Variants in EXT2 observed in about 807,000 individuals in gnomAD.
EXT2 encodes the protein exostosin-2.
A neutral mutation model predicts 81.6 loss-of-function variants in EXT2; 53 were observed. That is an observed-to-expected ratio of 0.65 (90% confidence interval 0.52 to 0.82). EXT2 has a LOEUF of 0.82. EXT2 is among the 40% of genes least tolerant of loss of function. The probability of loss-of-function intolerance (pLI) is 0.00; values close to 1 mark genes in which losing one functional copy is unlikely to be tolerated. For synonymous variants in EXT2, 320 were observed against 340.0 expected (o/e 0.94, Z 0.65); for missense variants, 774 against 910.2 (o/e 0.85, Z 1.93).
At chr11:44,191,040 G>A (rs1590634406) in intron 8 of EXT2, among the ~76,000 whole-genome samples, 6 of 152,282 alleles carry the variant, frequency 3.9e-5, no homozygotes, top group Admixed American at 3.9e-4. Context: ...TTCCTTCAAG[G>A]CATCCTGAAA....
chr11:44,125,242 C>T (rs1954383495), intron 5 of EXT2, among the ~76,000 whole-genome samples: 1 of 152,148 alleles, frequency 6.6e-6, no homozygotes, highest in Non-Finnish European at 1.5e-5. Flanking sequence ...AAAGACAAGT[C>T]TCATAGATTC....
chr11:44,158,011 A>G (rs1194027432), intron 7 of EXT2, among the ~76,000 whole-genome samples: 1 of 152,212 alleles, frequency 6.6e-6, no homozygotes, highest in Non-Finnish European at 1.5e-5. Context: ...GTCTAGAACT[A>G]GGGCCTGGAA....
chr11:44,151,136 T>A (rs1954786276), intron 7 of EXT2, among the ~76,000 whole-genome samples: 1 of 151,948 alleles, frequency 6.6e-6, no homozygotes, highest in Non-Finnish European at 1.5e-5. Context: ...CTACAAAGAG[T>A]TCCCATATAT....
intron 7 of EXT2, among the ~76,000 whole-genome samples, chr11:44,151,717 TTTGGGTA>T (rs1223339665): frequency 1.3e-5 from 2 of 152,150 alleles, no homozygotes; most frequent in Non-Finnish European, 2.9e-5. Context: ...TTTCAGTGCA[TTTGGGTA>T]ACCTTCAGGG....
In EXT2 at chr11:44,249,703, G is replaced by C. The variant is rs2135293594; in HGVS notation, c.*5416G>C. ...AGCACAGCTGAAGACCAACCAACTA[G>C]TTACTGATCCAGATGAGGGAAGAGA... On this transcript the variant is annotated 3_prime_UTR_variant, in exon 14 of 14. Coordinates refer to ENST00000533608, the MANE Select transcript of EXT2 (RefSeq NM_207122.2). Among the ~76,000 whole-genome samples, 1 of 152,348 alleles carries C rather than the reference G, an allele frequency of 6.6e-6. No homozygotes were observed. Among genetic ancestry groups the C allele is most frequent in the East Asian group, 1.9e-4 (1 of 5,186 alleles).
chr11:44,231,726 A>G (rs112062177), intron 10 of EXT2, among the ~76,000 whole-genome samples: 26 of 152,306 alleles, frequency 1.7e-4, no homozygotes, highest in African/African-American at 6.3e-4. Context: ...GGGAGAAGGT[A>G]CTGGAAGTTC....
intron 7 of EXT2, among the ~76,000 whole-genome samples, chr11:44,131,243 A>C: frequency 6.6e-6 from 1 of 152,070 alleles, no homozygotes; most frequent in East Asian, 1.9e-4. Flanking sequence ...TTCTTAGGGG[A>C]TACATACCTT....
rs894930619 is a variant in EXT2, at chr11:44,247,615, G to A, written c.*3328G>A. The stretch of plus-strand genomic sequence containing the variant: ...TGACCACCCTGGTTTCTCTGCCAAA[G>A]CCTCATCTACTTCCAGCTGGGCTTT... On this transcript the variant is annotated 3_prime_UTR_variant, in exon 14 of 14. Transcript: ENST00000533608. 6.6e-6 allele frequency among the ~76,000 whole-genome samples: 1 copy of A among 152,200 alleles called. No individual in the cohort carries two copies. Among genetic ancestry groups the A allele is most frequent in the Non-Finnish European group, 1.5e-5 (1 of 68,036 alleles).
chr11:44,133,404 A>T (rs1204672711), intron 7 of EXT2, among the ~76,000 whole-genome samples: 1 of 152,176 alleles, frequency 6.6e-6, no homozygotes, highest in Non-Finnish European at 1.5e-5. Flanking sequence ...AGCCTATTGT[A>T]TCAGTAGTTG....
At chr11:44,101,962 AAAATT>A (rs1953989957) in intron 1 of EXT2, among the ~76,000 whole-genome samples, 1 of 151,884 alleles carries the variant, frequency 6.6e-6, no homozygotes, top group Non-Finnish European at 1.5e-5. Flanking sequence ...AAAAAAAAAA[AAAATT>A]AAGAGCTGGC....
At chr11:44,164,366 T>C (rs12223543) in intron 7 of EXT2, among the ~76,000 whole-genome samples, 39,132 of 152,138 alleles carry the variant, frequency 0.26, 6,076 homozygotes, top group Admixed American at 0.42. Flanking sequence ...CTTTATTTTA[T>C]GTCAGTGGGC....
At chr11:44,118,741 A>C (rs1016948968) in intron 4 of EXT2, among the ~76,000 whole-genome samples, 11 of 152,084 alleles carry the variant, frequency 7.2e-5, no homozygotes, top group African/African-American at 2.7e-4. Context: ...TAAATTCAGA[A>C]AGGATGAGAT....
chr11:44,224,510 A>G (rs1402667188), intron 10 of EXT2, among the ~76,000 whole-genome samples: 1 of 152,172 alleles, frequency 6.6e-6, no homozygotes, highest in African/African-American at 2.4e-5. Flanking sequence ...TTTTGGAAAT[A>G]GATGAGATAT....
At chr11:44,103,577 G>A (rs563236115) in intron 1 of EXT2, 43 of 397,790 alleles carry the variant, frequency 1.1e-4, no homozygotes, top group African/African-American at 9.4e-4. Context: ...TCTGAACTCT[G>A]GAATAATTTG....
rs202153611 is a variant in EXT2 at position 44,171,744 on chromosome 11, T to C, written c.1305+2T>C. 2.0e-5 allele frequency: 33 copies of C among 1,613,782 alleles called. No homozygotes were observed. The highest frequency in any genetic ancestry group is 2.7e-5 in the Non-Finnish European group (32 of 1,179,874). ...GAATGGAATGACCCTCCTGCTGTGGTAAGTGAATTCCAGTGCTAGCCACAT... is the reference window on the plus strand; with the variant it reads ...GAATGGAATGACCCTCCTGCTGTGGCAAGTGAATTCCAGTGCTAGCCACAT... On this transcript the variant is annotated splice_donor_variant, in intron 8 of 13. Transcript: ENST00000533608. LOFTEE classifies it high-confidence loss of function.
chr11:44,142,397 C>A (rs961662907), intron 7 of EXT2, among the ~76,000 whole-genome samples: 10 of 152,264 alleles, frequency 6.6e-5, no homozygotes, highest in Admixed American at 3.3e-4. Flanking sequence ...CCATTTCTGG[C>A]AATATAGTTA....
At chr11:44,214,841 T>C (rs906633084) in intron 10 of EXT2, among the ~76,000 whole-genome samples, 3 of 151,852 alleles carry the variant, frequency 2.0e-5, no homozygotes, top group African/African-American at 7.3e-5. Flanking sequence ...AACTTCAAAT[T>C]CCTGGGCTCA....
chr11:44,133,465 CAG>C (rs1356452793), intron 7 of EXT2, among the ~76,000 whole-genome samples: 1 of 152,162 alleles, frequency 6.6e-6, no homozygotes, highest in South Asian at 2.1e-4. Flanking sequence ...GGGTGAGGAA[CAG>C]AGTCTGATTT....
intron 4 of EXT2, among the ~76,000 whole-genome samples, chr11:44,123,523 A>C (rs1275476506): frequency 6.6e-6 from 1 of 152,184 alleles, no homozygotes; most frequent in Non-Finnish European, 1.5e-5. Context: ...CAGCCTAAAC[A>C]GGTTGAGTAT....
Sources: allele counts gnomAD v4.1 joint callset (sites outside exome capture counted in the v4.1 genomes callset), GRCh38; gene constraint gnomAD v4.1.1; transcripts MANE v1.5; gene names NCBI Gene and HGNC (gene_info 2026-07-23, HGNC 2026-07-21).